XBP1: variants seen among roughly 807,000 people sequenced by gnomAD.
XBP1 encodes X-box-binding protein 1.
Under a neutral mutation model 34.6 loss-of-function variants are expected in XBP1, and 18 were observed. That is an observed-to-expected ratio of 0.52 (90% CI 0.36 to 0.77). The LOEUF (loss-of-function observed/expected upper bound fraction) is 0.77, where lower values mean the gene tolerates loss of function less well. Ranked by LOEUF, XBP1 falls within the 30% of genes least tolerant of loss-of-function variation. XBP1 has a pLI of 0.00. For synonymous variants in XBP1, 191 were observed against 193.4 expected, an observed-to-expected ratio of 0.99 and a Z score of 0.11; for missense variants, 422 against 464.6, an observed-to-expected ratio of 0.91 and a Z score of 0.84.
At chr22:28,795,358 G>A in exon 6 of XBP1, 1 of 1,552,044 alleles carries the variant, frequency 6.4e-7, no homozygotes, top group Non-Finnish European at 8.7e-7. Context: ...GCAGATTTGA[G>A]ATACCCAGCT....
chr22:28,796,056 T>G, exon 5 of XBP1: 1 of 1,614,170 alleles, frequency 6.2e-7, no homozygotes, highest in East Asian at 2.2e-5. Context: ...CCTCTGAATC[T>G]GAAGAGTCAA....
At position 28,796,145 on chromosome 22, in the gene XBP1, G is replaced by A. The variant is rs776890762; in HGVS notation, c.498+3C>T. 1.2e-6 allele frequency: 2 copies of A among 1,611,342 alleles called. No homozygotes were observed. Among genetic ancestry groups the A allele is most frequent in the South Asian group, 2.2e-5 (2 of 90,744 alleles). On this transcript the variant is annotated splice_donor_region_variant and intron_variant, in intron 4 of 5. Transcript: ENST00000344347. ...CCTGCTGCAGAGGTGCACGTAGTCT[G>A]AGTGCTGCGGACTCAGCAGACCCGG...
intron 2 of XBP1, 120 bp from the exon 3 acceptor site, chr22:28,797,325 G>A (rs2031769602): frequency 2.5e-6 from 3 of 1,190,974 alleles, no homozygotes; most frequent in African/African-American, 1.6e-5. Flanking sequence ...TATGCTTGTG[G>A]TGTTCATAGT....
chr22:28,800,321 G>A (rs767286444), exon 1 of XBP1: 1 of 1,553,210 alleles, frequency 6.4e-7, no homozygotes, highest in East Asian at 2.5e-5. Flanking sequence ...TCTCCTCGGG[G>A]CTCAGGTGCG....
rs1569205556 is a variant in XBP1, at chr22:28,800,265, AG to A, written c.227+32del. On this transcript the variant is annotated intron_variant, in intron 1 of 5. Coordinates refer to ENST00000344347, the Ensembl canonical transcript of XBP1. ...TGCCCCTGTCCCTAGTCCCGGCTTC[AG>A]ATCTGGCCCCAGACCCCGGCCCCTC... is the stretch of plus-strand genomic sequence containing the variant. The A allele has an allele frequency of 5.8e-6, 9 of 1,546,662 alleles. No individual in the cohort carries two copies. In the African/African-American group the frequency reaches 8.3e-5, roughly 14 times the overall value.
At chr22:28,798,317 T>TTTTTTTTTTTTTTG (rs2031788917) in intron 2 of XBP1, among the ~76,000 whole-genome samples, 2 of 150,350 alleles carry the variant, frequency 1.3e-5, no homozygotes, top group African/African-American at 2.5e-5. Flanking sequence ...TTTTTTTTTT[T>TTTTTTTTTTTTTTG]GAGACAGGGT....
rs2031740388 is a variant in XBP1 at position 28,795,839 on chromosome 22, T to C, written c.574-107A>G. 3.1e-6 allele frequency: 4 copies of C among 1,307,872 alleles called. No homozygotes were observed. In the South Asian group the frequency reaches 5.8e-5, roughly 19 times the overall value. The allele number at this position is 1,307,872 out of a possible 1,614,324, so 81.0% of individuals were successfully genotyped here. ...ATAATGTAAATTAGTCATTATGTGA[T>C]AAGATGACCTCGGGACCCACCAGAC... is the stretch of plus-strand genomic sequence containing the variant. On this transcript the variant is annotated intron_variant, in intron 5 of 5. Transcript: ENST00000344347.
At chr22:28,799,178 A>C in intron 1 of XBP1, 25 bp from the exon 2 acceptor site, 1 of 1,566,394 alleles carries the variant, frequency 6.4e-7, no homozygotes, top group Non-Finnish European at 8.8e-7. Flanking sequence ...AACATACCAC[A>C]CTGAGTCATA....
At chr22:28,799,011 G>T (rs750439557) in intron 2 of XBP1, 46 bp downstream of exon 2, 2 of 1,468,052 alleles carry the variant, frequency 1.4e-6, no homozygotes, top group East Asian at 2.3e-5. Flanking sequence ...ATTCACCAAG[G>T]AAGGGTATAC....
chr22:28,800,410 T>G, exon 1 of XBP1: 1 of 1,516,216 alleles, frequency 6.6e-7, no homozygotes, highest in South Asian at 1.2e-5. Context: ...GCTGGCACCA[T>G]GAGCGGCAGG....
intron 1 of XBP1, chr22:28,799,993 C>T (rs745333753): frequency 7.7e-6 from 6 of 779,562 alleles, no homozygotes; most frequent in African/African-American, 6.8e-5. Context: ...AACCACCAGT[C>T]TGCGGCCACA....
chr22:28,796,316 G>T, intron 3 of XBP1, 124 bp from the exon 4 acceptor site: 1 of 863,384 alleles, frequency 1.2e-6, no homozygotes, highest in East Asian at 2.9e-5. Context: ...AATTGCTATA[G>T]AACTTTATTA....
intron 2 of XBP1, 71 bp from the exon 3 acceptor site, chr22:28,797,276 T>A: frequency 6.5e-7 from 1 of 1,529,726 alleles, no homozygotes; most frequent in East Asian, 2.3e-5. Flanking sequence ...TGATTCAGTA[T>A]AATTGGTTTC....
chr22:28,796,154 G>A lies in XBP1; in HGVS notation c.492C>T (p.Ser164=), dbSNP rs752328655. 2.0e-5 allele frequency: 32 copies of A among 1,606,706 alleles called. No individual in the cohort carries two copies. The Admixed American group carries it at 2.6e-4, about 13-fold the overall frequency. Residue 164 remains serine, a synonymous_variant, in exon 4 of 6, where the codon TCC becomes TCT. Coordinates refer to ENST00000344347, the Ensembl canonical transcript of XBP1. ...GAGGTGCACGTAGTCTGAGTGCTGC[G>A]GACTCAGCAGACCCGGCCACTGGCC...
chr22:28,795,652 C>T (rs566742378), exon 6 of XBP1: 1 of 1,602,176 alleles, frequency 6.2e-7, no homozygotes, highest in Non-Finnish European at 8.5e-7. Context: ...GGAGCTCCTC[C>T]AGGCTGGCAG....
At chr22:28,795,656 C>A in exon 6 of XBP1, 1 of 1,600,276 alleles carries the variant, frequency 6.2e-7, no homozygotes, top group Non-Finnish European at 8.5e-7. Flanking sequence ...CTCCTCCAGG[C>A]TGGCAGGCTC....
At chr22:28,795,342 A>T in exon 6 of XBP1, 1 of 1,551,972 alleles carries the variant, frequency 6.4e-7, no homozygotes, top group Non-Finnish European at 8.7e-7. Context: ...CAGTGGCTGG[A>T]TGAAAGCAGA....
exon 6 of XBP1, chr22:28,795,675 G>C: frequency 6.3e-7 from 1 of 1,582,146 alleles, no homozygotes. Context: ...TCTGGGGAAG[G>C]GCATTTGAAG....
intron 5 of XBP1, 118 bp from the exon 6 acceptor site, chr22:28,795,850 C>T (rs1322218167): frequency 4.8e-6 from 6 of 1,247,948 alleles, no homozygotes; most frequent in Admixed American, 2.6e-5. Flanking sequence ...AAGATGACCT[C>T]GGGACCCACC....
Sources: allele counts gnomAD v4.1 joint callset (sites outside exome capture counted in the v4.1 genomes callset), GRCh38; gene constraint gnomAD v4.1.1; transcripts MANE v1.5; gene names NCBI Gene and HGNC (gene_info 2026-07-23, HGNC 2026-07-21).